Variants in DHRS3 observed in about 807,000 individuals in gnomAD.
DHRS3 encodes short-chain dehydrogenase/reductase 3.
Under a neutral mutation model 27.2 loss-of-function variants are expected in DHRS3, and 14 were observed. That is an observed-to-expected ratio of 0.52 (90% CI 0.34 to 0.81). The LOEUF (loss-of-function observed/expected upper bound fraction) is 0.81. DHRS3 is among the 30% of genes least tolerant of loss of function. The pLI is 0.01. For missense variants in DHRS3, 322 were observed against 406.2 expected, an observed-to-expected ratio of 0.79 and a Z score of 1.78; for synonymous variants, 165 against 175.9, an observed-to-expected ratio of 0.94 and a Z score of 0.49.
chr1:12,580,815 T>A, intron 1 of DHRS3, 149 bp from the exon 2 acceptor site: 1 of 962,090 alleles, frequency 1.0e-6, no homozygotes, highest in Admixed American at 2.9e-5. Flanking sequence ...ACAACATAGA[T>A]TAATAATATA....
intron 1 of DHRS3, among the ~76,000 whole-genome samples, chr1:12,613,196 G>A (rs555363583): frequency 7.9e-5 from 12 of 152,170 alleles, no homozygotes; most frequent in Non-Finnish European, 1.3e-4. Flanking sequence ...AAGAGATGAC[G>A]AAGGATCTTC....
intron 1 of DHRS3, among the ~76,000 whole-genome samples, chr1:12,604,984 G>A (rs571025538): frequency 6.6e-6 from 1 of 151,828 alleles, no homozygotes; most frequent in African/African-American, 2.4e-5. Flanking sequence ...GGCGGAGGCA[G>A]GAGAATCGTT....
At chr1:12,588,595 G>A (rs933115817) in intron 1 of DHRS3, among the ~76,000 whole-genome samples, 2 of 152,112 alleles carry the variant, frequency 1.3e-5, no homozygotes, top group South Asian at 2.1e-4. Context: ...TATTCATCTC[G>A]TAACCCCAGC....
intron 1 of DHRS3, among the ~76,000 whole-genome samples, chr1:12,582,927 T>C (rs1191630184): frequency 5.2e-5 from 7 of 135,422 alleles, no homozygotes; most frequent in Admixed American, 7.4e-5. Context: ...TCCATCCACT[T>C]ACCCACCCCA....
At chr1:12,616,201 C>T (rs11121951) in intron 1 of DHRS3, among the ~76,000 whole-genome samples, 17,428 of 152,200 alleles carry the variant, frequency 0.11, 1,242 homozygotes, top group East Asian at 0.33. Context: ...CCCTAGTTCA[C>T]AACAGTTTAA....
rs1299558113 is a variant in DHRS3 at position 12,617,947 on chromosome 1, T to C, written c.-599A>G. ...AAGTCTCCCGACTCATTGCTATTCTTGGGCTCAGGAAATTGCTTAAACGCG... is the reference window on the plus strand; with the variant it reads ...AAGTCTCCCGACTCATTGCTATTCTCGGGCTCAGGAAATTGCTTAAACGCG... On this transcript the variant is annotated 5_prime_UTR_variant, in exon 1 of 6. Transcript: ENST00000616661. Among the ~76,000 whole-genome samples the C allele has an allele frequency of 6.6e-6, 1 of 150,444 alleles. No individual in the cohort carries two copies. The highest frequency in any genetic ancestry group is 1.5e-5 in the Non-Finnish European group (1 of 67,814).
At chr1:12,585,199 G>GTC in intron 1 of DHRS3, among the ~76,000 whole-genome samples, 1 of 19,474 alleles carries the variant, frequency 5.1e-5, no homozygotes, top group African/African-American at 1.7e-4. Context: ...CTGTGTGTGT[G>GTC]TGTGTCTGTG....
At chr1:12,573,435 TCC>T (rs1479806094) in intron 4 of DHRS3, among the ~76,000 whole-genome samples, 2 of 152,242 alleles carry the variant, frequency 1.3e-5, no homozygotes, top group Non-Finnish European at 2.9e-5. Flanking sequence ...GTGGCCTGTC[TCC>T]GCCATCAGGC....
intron 1 of DHRS3, among the ~76,000 whole-genome samples, chr1:12,589,457 C>T (rs970115172): frequency 5.4e-5 from 8 of 147,756 alleles, no homozygotes; most frequent in Non-Finnish European, 7.4e-5. Flanking sequence ...GGCGCGATCT[C>T]GGCTCACTGC....
At position 12,592,888 on chromosome 1, in the gene DHRS3, T is replaced by C. The variant is rs1048547734; in HGVS notation, c.196-12222A>G. Among the ~76,000 whole-genome samples the C allele has an allele frequency of 1.3e-5, 2 of 152,328 alleles. No homozygotes were observed. The highest frequency in any genetic ancestry group is 6.5e-5 in the Admixed American group (1 of 15,302). The stretch of plus-strand genomic sequence containing the variant: ...ACATTAAGTGTTTTCTCTCACTGTA[T>C]GCCCACTCCACCACGCACCCTGTCA... On this transcript the variant is annotated intron_variant, in intron 1 of 5. Coordinates refer to ENST00000616661, the MANE Select transcript of DHRS3 (RefSeq NM_004753.7). This position sits in a 1 kb window ranked among gnomAD's most constrained non-coding sequence, Gnocchi z 4.2.
At chr1:12,581,053 C>G (rs1646639761) in intron 1 of DHRS3, among the ~76,000 whole-genome samples, 1 of 151,982 alleles carries the variant, frequency 6.6e-6, no homozygotes, top group African/African-American at 2.4e-5. Flanking sequence ...GTCTTGAACT[C>G]CTGGGTTCAA....
At chr1:12,603,536 C>T (rs1272606849) in intron 1 of DHRS3, among the ~76,000 whole-genome samples, 1 of 152,142 alleles carries the variant, frequency 6.6e-6, no homozygotes, top group African/African-American at 2.4e-5. Context: ...TTCTTGGGGC[C>T]TCTAGGGTGC....
intron 1 of DHRS3, chr1:12,596,338 CCTCCGGGGT>C (rs1181801773): frequency 6.6e-6 from 1 of 152,166 alleles, no homozygotes; most frequent in African/African-American, 2.4e-5. Context: ...GAGGGCTGGG[CCTCCGGGGT>C]CAGCTTCGGG....
intron 1 of DHRS3, among the ~76,000 whole-genome samples, chr1:12,601,201 C>T (rs1557529129): frequency 2.0e-5 from 3 of 152,210 alleles, no homozygotes; most frequent in Non-Finnish European, 2.9e-5. Flanking sequence ...AAGCCGACCT[C>T]CCGACTCCCA....
At chr1:12,599,461 C>A (rs1646821048) in intron 1 of DHRS3, among the ~76,000 whole-genome samples, 1 of 152,264 alleles carries the variant, frequency 6.6e-6, no homozygotes, top group African/African-American at 2.4e-5. Context: ...AGGCTTCCGT[C>A]ACCTTCCAGT....
intron 1 of DHRS3, among the ~76,000 whole-genome samples, chr1:12,602,222 G>A (rs1208186628): frequency 6.6e-6 from 1 of 152,202 alleles, no homozygotes; most frequent in Non-Finnish European, 1.5e-5. Context: ...GGGTTGGGCA[G>A]CCAGGACCAG....
At chr1:12,568,554 C>G in intron 5 of DHRS3, 130 bp from the exon 6 acceptor site, 1 of 795,376 alleles carries the variant, frequency 1.3e-6, no homozygotes, top group Non-Finnish European at 2.1e-6. Context: ...CACCTCCAAG[C>G]CACACACCAG....
chr1:12,569,643 G>A (rs888992686), intron 5 of DHRS3, among the ~76,000 whole-genome samples: 1 of 152,156 alleles, frequency 6.6e-6, no homozygotes, highest in Non-Finnish European at 1.5e-5. Context: ...TGGGGTCACT[G>A]CAACCTCTGC....
chr1:12,587,260 A>T (rs1646704790), intron 1 of DHRS3, among the ~76,000 whole-genome samples: 1 of 149,822 alleles, frequency 6.7e-6, no homozygotes, highest in Non-Finnish European at 1.5e-5. Flanking sequence ...CTCCCACCTC[A>T]GCCTCCCAAG....
Sources: allele counts gnomAD v4.1 joint callset (sites outside exome capture counted in the v4.1 genomes callset), GRCh38; gene constraint gnomAD v4.1.1; non-coding constraint Gnocchi (gnomAD v3.1); transcripts MANE v1.5; gene names NCBI Gene and HGNC (gene_info 2026-07-23, HGNC 2026-07-21).